Variants in SLC22A23 observed in about 807,000 individuals in gnomAD.
The protein encoded by SLC22A23 is ion transporter protein.
A neutral mutation model predicts 61.0 loss-of-function variants in SLC22A23; 26 were observed. The ratio of observed to expected loss-of-function variants is 0.43; its 90% CI spans 0.31 to 0.59. The LOEUF (loss-of-function observed/expected upper bound fraction) is 0.59, where lower values mean the gene tolerates loss of function less well. SLC22A23 is among the 20% of genes least tolerant of loss of function. The pLI is 0.11. For synonymous variants in SLC22A23, 430 were observed against 413.9 expected (o/e 1.04, Z -0.47); for missense variants, 796 against 934.7 (o/e 0.85, Z 1.94).
intron 3 of SLC22A23, among the ~76,000 whole-genome samples, chr6:3,402,753 T>C (rs1373519857): frequency 6.6e-6 from 1 of 152,212 alleles, no homozygotes; most frequent in Non-Finnish European, 1.5e-5. Context: ...CTCTGCCTCT[T>C]CACTCACTAA....
chr6:3,409,057 T>C (rs893675604), intron 3 of SLC22A23, among the ~76,000 whole-genome samples: 2 of 152,252 alleles, frequency 1.3e-5, no homozygotes, highest in African/African-American at 4.8e-5. Flanking sequence ...ACTCGCATTA[T>C]TTATTCAAAG....
chr6:3,280,166 T>C (rs1001031648), intron 9 of SLC22A23, among the ~76,000 whole-genome samples: 9 of 152,232 alleles, frequency 5.9e-5, no homozygotes, highest in African/African-American at 2.2e-4. Context: ...TGAACTGTCC[T>C]GTGCTGAGCC....
chr6:3,280,597 G>A (rs1040775918), intron 9 of SLC22A23, among the ~76,000 whole-genome samples: 6 of 142,728 alleles, frequency 4.2e-5, no homozygotes, highest in Admixed American at 7.7e-5. Context: ...CTGGGTTCAC[G>A]CCATTCTCCT....
chr6:3,298,285 A>T, intron 4 of SLC22A23, 67 bp from the exon 5 acceptor site: 7 of 1,530,236 alleles, frequency 4.6e-6, no homozygotes, highest in Non-Finnish European at 6.1e-6. Context: ...AGTGTGGCTT[A>T]GGTGTGGCCC....
chr6:3,280,380 C>A (rs1444640633), intron 9 of SLC22A23, among the ~76,000 whole-genome samples: 1 of 152,218 alleles, frequency 6.6e-6, no homozygotes, highest in Non-Finnish European at 1.5e-5. Flanking sequence ...CCTCATCCTG[C>A]CCCGCTGCTC....
At chr6:3,361,425 T>C (rs976028979) in intron 3 of SLC22A23, among the ~76,000 whole-genome samples, 1 of 152,098 alleles carries the variant, frequency 6.6e-6, no homozygotes, top group Non-Finnish European at 1.5e-5. Context: ...AGCAGCATCA[T>C]GTGGCCAGGT....
Position 3,286,768 on chromosome 6 carries a change from G to T in SLC22A23, c.1546+91C>A. The T allele has an allele frequency of 9.2e-7, 1 of 1,091,010 alleles. No homozygotes were observed. The allele number at this position is 1,091,010 out of a possible 1,614,324, so 67.6% of individuals were successfully genotyped here. On this transcript the variant is annotated intron_variant, in intron 7 of 9. Coordinates refer to ENST00000406686, the MANE Select transcript of SLC22A23 (RefSeq NM_015482.2). The surrounding 1 kb of genome is among the most constrained non-coding windows in gnomAD (Gnocchi z 4.2). ...CCTTCCAGCAGTAGATTTTAGAGTG[G>T]CCAGCGGAGTCTTATGCAGCCCTTT...
At chr6:3,422,217 A>AT (rs934191351) in intron 1 of SLC22A23, among the ~76,000 whole-genome samples, 42 of 152,250 alleles carry the variant, frequency 2.8e-4, no homozygotes, top group African/African-American at 9.1e-4. Context: ...TAGGGTCAGC[A>AT]TTTTTCCCCC....
At chr6:3,275,727 C>T (rs1272640927) in intron 9 of SLC22A23, among the ~76,000 whole-genome samples, 4 of 152,138 alleles carry the variant, frequency 2.6e-5, no homozygotes, top group Non-Finnish European at 5.9e-5. Flanking sequence ...GGACTATAGG[C>T]GCGTGCCACC....
intron 4 of SLC22A23, among the ~76,000 whole-genome samples, chr6:3,319,700 G>T (rs115938184): frequency 1.5e-3 from 226 of 152,256 alleles, no homozygotes; most frequent in African/African-American, 5.2e-3. Context: ...CCTCATAGTG[G>T]ATTCCCCGTG....
Position 3,387,616 on chromosome 6 carries a change from T to C in SLC22A23, c.913+22572A>G, listed in dbSNP as rs911710264. On this transcript the variant is annotated intron_variant, in intron 3 of 9. Coordinates refer to ENST00000406686, the MANE Select transcript of SLC22A23 (RefSeq NM_015482.2). The surrounding 1 kb of genome is among the most constrained non-coding windows in gnomAD (Gnocchi z 5.0). Reference sequence around the variant, plus strand: ...CTCTGGGGACCGTAGCGTGGTTATGTGAGTTCACGTTAGCGGAAGGCGGGT... The same window carrying C: ...CTCTGGGGACCGTAGCGTGGTTATGCGAGTTCACGTTAGCGGAAGGCGGGT... Among the ~76,000 whole-genome samples the C allele has an allele frequency of 2.6e-5, 4 of 152,232 alleles. No individual in the cohort carries two copies. Among genetic ancestry groups the C allele is most frequent in the African/African-American group, 9.6e-5 (4 of 41,460 alleles).
Position 3,456,273 on chromosome 6 carries a change from T to C in SLC22A23, c.287A>G (p.Gln96Arg), listed in dbSNP as rs1772401596. 3.2e-6 allele frequency: 5 copies of C among 1,551,276 alleles called. No homozygotes were observed. The highest frequency in any genetic ancestry group is 4.4e-6 in the Non-Finnish European group (5 of 1,146,812). The change falls in exon 1 of 10, where the codon CAG (glutamine) becomes CGG (arginine). Residue 96 changes from glutamine to arginine, a missense_variant. Physicochemically the swap from Gln to Arg is conservative, Grantham distance 43. Coordinates refer to ENST00000406686, the MANE Select transcript of SLC22A23 (RefSeq NM_015482.2). This position sits in a 1 kb window ranked among gnomAD's most constrained non-coding sequence, Gnocchi z 7.1. Reference sequence around the variant, plus strand: ...CCAGGTGAGCAGCACGAGGGTCTTCTGATAGCCCCCGCCCAGGCCCCCGAG... The same window carrying C: ...CCAGGTGAGCAGCACGAGGGTCTTCCGATAGCCCCCGCCCAGGCCCCCGAG... ...PFLGGLGGGY[Q>R]KTLVLLTWIP...
intron 5 of SLC22A23, among the ~76,000 whole-genome samples, chr6:3,292,277 C>T (rs529615433): frequency 4.4e-4 from 67 of 152,242 alleles, no homozygotes; most frequent in South Asian, 1.0e-3. Flanking sequence ...CAAGGCAGCG[C>T]TCTATGTTAT....
chr6:3,379,708 A>G (rs898715600), intron 3 of SLC22A23, among the ~76,000 whole-genome samples: 3 of 152,066 alleles, frequency 2.0e-5, no homozygotes, highest in Non-Finnish European at 4.4e-5. Flanking sequence ...ACACAAGTTG[A>G]AAACCTAAAC....
intron 3 of SLC22A23, among the ~76,000 whole-genome samples, chr6:3,392,663 G>A (rs988901038): frequency 2.0e-5 from 3 of 152,194 alleles, no homozygotes; most frequent in African/African-American, 4.8e-5. Flanking sequence ...GAGAGGATTT[G>A]CTGATCAAGG....
In SLC22A23 at chr6:3,333,534, C is replaced by G. The variant is rs922818870; in HGVS notation, c.914-9532G>C. 6.6e-6 allele frequency among the ~76,000 whole-genome samples: 1 copy of G among 152,196 alleles called. No individual in the cohort carries two copies. Among genetic ancestry groups the G allele is most frequent in the East Asian group, 1.9e-4 (1 of 5,186 alleles). Reference sequence around the variant, plus strand: ...CCTCTAACCCAGCAAGCACACCCCCCTTCTGGGCTGTGCACTCCCCGTCTG... The same window carrying G: ...CCTCTAACCCAGCAAGCACACCCCCGTTCTGGGCTGTGCACTCCCCGTCTG... On this transcript the variant is annotated intron_variant, in intron 3 of 9. Transcript: ENST00000406686. The surrounding 1 kb of genome is among the most constrained non-coding windows in gnomAD (Gnocchi z 4.1).
chr6:3,334,035 C>T (rs1763717878), intron 3 of SLC22A23, among the ~76,000 whole-genome samples: 1 of 152,186 alleles, frequency 6.6e-6, no homozygotes, highest in Non-Finnish European at 1.5e-5. Flanking sequence ...CATCTCAGCC[C>T]TGAGATCCTA....
At chr6:3,404,727 C>T (rs1230291526) in intron 3 of SLC22A23, among the ~76,000 whole-genome samples, 1 of 152,142 alleles carries the variant, frequency 6.6e-6, no homozygotes, top group East Asian at 1.9e-4. Context: ...CTGCAGTGAG[C>T]CCAGAAGCTC....
chr6:3,380,262 C>T (rs2127473744), intron 3 of SLC22A23, among the ~76,000 whole-genome samples: 1 of 152,264 alleles, frequency 6.6e-6, no homozygotes, highest in African/African-American at 2.4e-5. Flanking sequence ...TCTGGGTGAA[C>T]AGGCATGATA....
Sources: allele counts gnomAD v4.1 joint callset (sites outside exome capture counted in the v4.1 genomes callset), GRCh38; gene constraint gnomAD v4.1.1; non-coding constraint Gnocchi (gnomAD v3.1); transcripts MANE v1.5; gene names NCBI Gene and HGNC (gene_info 2026-07-23, HGNC 2026-07-21).